EFCAB6: variants seen among roughly 807,000 people sequenced by gnomAD.
The protein encoded by EFCAB6 is EF-hand calcium-binding domain-containing protein 6.
A neutral mutation model predicts 169.8 loss-of-function variants in EFCAB6; 156 were observed. That is an observed-to-expected ratio of 0.92 (90% CI 0.81 to 1.05). The LOEUF is 1.05. Among genes scored for constraint, EFCAB6 ranks in the 50% least tolerant of loss-of-function variants. The pLI, the probability that EFCAB6 is intolerant of heterozygous loss-of-function variation, is 0.00. For missense variants in EFCAB6, 1,800 were observed against 1,829.1 expected, an observed-to-expected ratio of 0.98 and a Z score of 0.29; for synonymous variants, 698 against 676.4, an observed-to-expected ratio of 1.03 and a Z score of -0.50.
chr22:43,586,513 G>A (rs145635901), intron 24 of EFCAB6, among the ~76,000 whole-genome samples: 10 of 151,934 alleles, frequency 6.6e-5, no homozygotes, highest in Admixed American at 2.6e-4. Flanking sequence ...AGTGAGGGAC[G>A]TAAGAGTCAT....
chr22:43,749,194 T>C (rs1236778931), intron 6 of EFCAB6, among the ~76,000 whole-genome samples: 2 of 152,054 alleles, frequency 1.3e-5, no homozygotes, highest in Non-Finnish European at 2.9e-5. Flanking sequence ...TGGTTTCTGC[T>C]TGAATGAATG....
At chr22:43,702,279 G>T (rs1173599014) in intron 10 of EFCAB6, among the ~76,000 whole-genome samples, 1 of 152,182 alleles carries the variant, frequency 6.6e-6, no homozygotes, top group African/African-American at 2.4e-5. Flanking sequence ...AGGGAGAGGT[G>T]AAGTCAGCAA....
At chr22:43,739,513 G>A (rs2060290909) in intron 6 of EFCAB6, among the ~76,000 whole-genome samples, 1 of 151,986 alleles carries the variant, frequency 6.6e-6, no homozygotes, top group Non-Finnish European at 1.5e-5. Flanking sequence ...TCCCACTGAT[G>A]ACTCCCACAT....
chr22:43,781,262 A>G (rs1369053733), intron 3 of EFCAB6, among the ~76,000 whole-genome samples: 1 of 152,240 alleles, frequency 6.6e-6, no homozygotes, highest in African/African-American at 2.4e-5. Context: ...AAACCAGTAC[A>G]CGAATGCTTA....
At chr22:43,715,743 C>T (rs983483452) in intron 9 of EFCAB6, among the ~76,000 whole-genome samples, 3 of 152,094 alleles carry the variant, frequency 2.0e-5, no homozygotes, top group East Asian at 3.9e-4. Flanking sequence ...GAATTGCTTA[C>T]GTTTTTTGCA....
At chr22:43,811,130 A>C (rs2063101140) in intron 1 of EFCAB6, among the ~76,000 whole-genome samples, 1 of 151,814 alleles carries the variant, frequency 6.6e-6, no homozygotes, top group Non-Finnish European at 1.5e-5. Context: ...AAATACAAAA[A>C]TTAGCTGGGC....
intron 20 of EFCAB6, among the ~76,000 whole-genome samples, chr22:43,625,013 G>A (rs936432086): frequency 2.6e-5 from 4 of 152,174 alleles, no homozygotes; most frequent in African/African-American, 7.2e-5. Context: ...GAGAACCTGA[G>A]CCGTTGGAAG....
At chr22:43,605,893 T>A (rs1270191055) in intron 22 of EFCAB6, among the ~76,000 whole-genome samples, 1 of 152,194 alleles carries the variant, frequency 6.6e-6, no homozygotes, top group Non-Finnish European at 1.5e-5. Flanking sequence ...TGCAATACTT[T>A]CCAGGAAGTA....
At chr22:43,551,718 C>G (rs2048387862) in intron 27 of EFCAB6, 1 of 151,976 alleles carries the variant, frequency 6.6e-6, no homozygotes, top group African/African-American at 2.4e-5. Context: ...TTCATGTGTT[C>G]TCATCATTCA....
At chr22:43,675,456 A>G (rs1286715632) in intron 13 of EFCAB6, among the ~76,000 whole-genome samples, 1 of 101,604 alleles carries the variant, frequency 9.8e-6, no homozygotes, top group African/African-American at 3.6e-5. Context: ...AGTATAATAT[A>G]TGATATAATA....
intron 2 of EFCAB6, among the ~76,000 whole-genome samples, chr22:43,789,854 C>T (rs2062216136): frequency 6.7e-6 from 1 of 150,094 alleles, no homozygotes; most frequent in African/African-American, 2.4e-5. Context: ...CCTTCACACA[C>T]ACACACACAC....
intron 2 of EFCAB6, among the ~76,000 whole-genome samples, chr22:43,791,940 AAAG>A (rs910133113): frequency 8.5e-5 from 13 of 152,190 alleles, no homozygotes; most frequent in Non-Finnish European, 2.9e-5. Flanking sequence ...AGCAGGAGAG[AAAG>A]AAGAGCCTCG....
chr22:43,802,049 T>C (rs1263327614), intron 2 of EFCAB6, among the ~76,000 whole-genome samples: 1 of 151,996 alleles, frequency 6.6e-6, no homozygotes, highest in African/African-American at 2.4e-5. Flanking sequence ...AAAACCAAAA[T>C]AAGAGCAGGA....
chr22:43,687,447 G>GTT (rs35384776), intron 11 of EFCAB6, 24 bp downstream of exon 11: 75,052 of 826,950 alleles, frequency 0.091, 453 homozygotes, highest in Non-Finnish European at 0.099. Flanking sequence ...ACTAAAATTT[G>GTT]TTTTTTTTTT....
intron 20 of EFCAB6, among the ~76,000 whole-genome samples, chr22:43,623,879 A>G (rs1052536079): frequency 6.8e-6 from 1 of 147,922 alleles, no homozygotes; most frequent in Non-Finnish European, 1.5e-5. Context: ...ACTGTACTCC[A>G]GTCTGGGTGA....
rs138170993 is a variant in EFCAB6, at chr22:43,757,963, G to A, written c.441-2131C>T. On this transcript the variant is annotated intron_variant, in intron 5 of 31. Coordinates refer to ENST00000262726, the MANE Select transcript of EFCAB6 (RefSeq NM_022785.4). ...TAATCTTTCTTTATGTTTGAGTTTA[G>A]GTTTTTCTCTTACTGGATTTCACTA... 4.9e-3 allele frequency among the ~76,000 whole-genome samples: 751 copies of A among 152,256 alleles called. 4 individuals are homozygous for A. The highest frequency in any genetic ancestry group is 0.017 in the African/African-American group (713 of 41,562).
chr22:43,765,216 T>G, intron 5 of EFCAB6, 89 bp downstream of exon 5: 2 of 930,564 alleles, frequency 2.1e-6, no homozygotes, highest in Non-Finnish European at 3.4e-6. Flanking sequence ...ATATAGCTGT[T>G]GATATGATTA....
At chr22:43,632,306 T>C (rs974460289) in intron 18 of EFCAB6, 68 bp from the exon 19 acceptor site, 5 of 1,469,418 alleles carry the variant, frequency 3.4e-6, no homozygotes, top group Non-Finnish European at 4.5e-6. Flanking sequence ...TTTTTTTTTT[T>C]TTTTTTTTTT....
intron 21 of EFCAB6, among the ~76,000 whole-genome samples, chr22:43,614,837 G>A (rs1183674136): frequency 6.6e-6 from 1 of 151,978 alleles, no homozygotes; most frequent in Non-Finnish European, 1.5e-5. Flanking sequence ...TCCTGTCTGT[G>A]GAGTCCACAG....
Sources: gnomAD v4.1 joint callset for allele counts (sites outside exome capture counted in the v4.1 genomes callset) on GRCh38, gnomAD v4.1.1 for gene constraint, MANE v1.5 for transcripts, NCBI Gene and HGNC (gene_info 2026-07-23, HGNC 2026-07-21) for gene names.